CDH18: variants seen among roughly 807,000 people sequenced by gnomAD.
CDH18 encodes cadherin 18, also known as cadherin-18.
A neutral mutation model predicts 67.9 loss-of-function variants in CDH18; 31 were observed. That is an observed-to-expected ratio of 0.46 (90% CI 0.34 to 0.62). The LOEUF (loss-of-function observed/expected upper bound fraction) is 0.62, where lower values mean the gene tolerates loss of function less well. CDH18 is among the 20% of genes least tolerant of loss of function. CDH18 has a pLI of 0.01. For synonymous variants in CDH18, 362 were observed against 347.2 expected, an observed-to-expected ratio of 1.04 and a Z score of -0.48; for missense variants, 890 against 975.5, an observed-to-expected ratio of 0.91 and a Z score of 1.17.
At chr5:20,306,852 T>C (rs1248602053) in intron 1 of CDH18, among the ~76,000 whole-genome samples, 3 of 133,364 alleles carry the variant, frequency 2.2e-5, no homozygotes, top group Non-Finnish European at 4.7e-5. Flanking sequence ...ATTTGTTTAA[T>C]AATTTATGAT....
chr5:20,202,396 A>G (rs1739518939), intron 2 of CDH18, among the ~76,000 whole-genome samples: 1 of 152,160 alleles, frequency 6.6e-6, no homozygotes. Context: ...TTAATCAAAG[A>G]ATGAAAATTT....
At chr5:19,813,073 A>G (rs1003808707) in intron 3 of CDH18, among the ~76,000 whole-genome samples, 6 of 152,134 alleles carry the variant, frequency 3.9e-5, no homozygotes, top group Admixed American at 3.9e-4. Flanking sequence ...TCCCACTCAT[A>G]AGTGGGAATT....
intron 3 of CDH18, among the ~76,000 whole-genome samples, chr5:19,756,675 TAGG>T (rs1471488451): frequency 1.3e-5 from 2 of 152,204 alleles, no homozygotes; most frequent in Non-Finnish European, 2.9e-5. Context: ...GGCTTAAAGG[TAGG>T]AGAAGCCTAA....
At chr5:20,178,754 T>A (rs757543365) in intron 2 of CDH18, among the ~76,000 whole-genome samples, 2 of 152,082 alleles carry the variant, frequency 1.3e-5, no homozygotes, top group Non-Finnish European at 2.9e-5. Flanking sequence ...CCATGTAGAT[T>A]TGAGTCATAC....
At chr5:20,237,842 A>G (rs1018694848) in intron 2 of CDH18, among the ~76,000 whole-genome samples, 17 of 152,030 alleles carry the variant, frequency 1.1e-4, no homozygotes, top group African/African-American at 4.1e-4. Flanking sequence ...AGAATATGGA[A>G]TAGTCAAATC....
At chr5:20,052,595 G>C (rs1242319194) in intron 2 of CDH18, among the ~76,000 whole-genome samples, 1 of 152,060 alleles carries the variant, frequency 6.6e-6, no homozygotes, top group Non-Finnish European at 1.5e-5. Context: ...TGGGGTAATA[G>C]GGGAAGGTGT....
At chr5:20,355,492 A>C (rs1741537958) in intron 1 of CDH18, among the ~76,000 whole-genome samples, 1 of 152,238 alleles carries the variant, frequency 6.6e-6, no homozygotes, top group African/African-American at 2.4e-5. Context: ...TGGCCAAAAA[A>C]ATCTTACATT....
At chr5:20,022,250 T>G (rs6889837) in intron 2 of CDH18, among the ~76,000 whole-genome samples, 5,332 of 152,286 alleles carry the variant, frequency 0.035, 311 homozygotes, top group African/African-American at 0.12. Context: ...TACAGGTACT[T>G]CGTGGTCTAG....
Position 19,541,405 on chromosome 5 carries a change from C to T in CDH18, c.1390+2464G>A, listed in dbSNP as rs538271491. Among the ~76,000 whole-genome samples the T allele has an allele frequency of 5.9e-5, 9 of 152,198 alleles. No individual in the cohort carries two copies. The East Asian group carries it at 9.7e-4, about 16-fold the overall frequency. On this transcript the variant is annotated intron_variant, in intron 9 of 12. Coordinates refer to ENST00000382275, the MANE Select transcript of CDH18 (RefSeq NM_004934.5). ...ACTGTTTCAACTTCTGACTGTTACC[C>T]GATTCCAAAGTCACTTCCACATTTT...
chr5:20,053,796 C>T (rs1052291148), intron 2 of CDH18, among the ~76,000 whole-genome samples: 2 of 152,072 alleles, frequency 1.3e-5, no homozygotes, highest in Non-Finnish European at 2.9e-5. Context: ...AAAACCACAA[C>T]AAAAGTGATG....
intron 10 of CDH18, among the ~76,000 whole-genome samples, chr5:19,507,621 T>C (rs1295926213): frequency 6.6e-6 from 1 of 152,086 alleles, no homozygotes; most frequent in African/African-American, 2.4e-5. Flanking sequence ...TGGATGAAGC[T>C]GGAAACCGTC....
chr5:20,197,055 A>G (rs1739038812), intron 2 of CDH18, among the ~76,000 whole-genome samples: 1 of 152,072 alleles, frequency 6.6e-6, no homozygotes, highest in East Asian at 1.9e-4. Context: ...TCTGTTGCCC[A>G]GGCTGGAGTG....
intron 5 of CDH18, among the ~76,000 whole-genome samples, chr5:19,653,130 T>C (rs967706319): frequency 2.4e-4 from 37 of 152,094 alleles, no homozygotes; most frequent in Middle Eastern, 3.4e-3. Flanking sequence ...GTTGCGAAAG[T>C]AATGGCGGTT....
intron 5 of CDH18, among the ~76,000 whole-genome samples, chr5:19,720,776 G>T (rs886426649): frequency 4.6e-5 from 7 of 152,060 alleles, no homozygotes; most frequent in Admixed American, 2.6e-4. Context: ...TTATGTCTTT[G>T]ACATTATTTT....
intron 2 of CDH18, among the ~76,000 whole-genome samples, chr5:19,932,904 T>C (rs552483984): frequency 6.6e-6 from 1 of 151,702 alleles, no homozygotes; most frequent in Non-Finnish European, 1.5e-5. Context: ...CAACTGAAAA[T>C]GACTGAAAAA....
chr5:20,511,029 T>A (rs1429582775), intron 1 of CDH18, among the ~76,000 whole-genome samples: 1 of 152,122 alleles, frequency 6.6e-6, no homozygotes, highest in Non-Finnish European at 1.5e-5. Context: ...TCCACCAGCA[T>A]TAATTCTAAA....
chr5:19,810,844 G>A (rs1266357844), intron 3 of CDH18, among the ~76,000 whole-genome samples: 1 of 151,806 alleles, frequency 6.6e-6, no homozygotes, highest in African/African-American at 2.4e-5. Flanking sequence ...CCAAACTGGT[G>A]AAACCTCGTC....
chr5:19,748,069 C>T (rs563140031), intron 3 of CDH18, among the ~76,000 whole-genome samples: 14 of 119,738 alleles, frequency 1.2e-4, no homozygotes, highest in African/African-American at 4.0e-4. Flanking sequence ...GCCGAGATCG[C>T]GCCACTGCAC....
chr5:20,545,151 G>A (rs1444291428), intron 1 of CDH18, among the ~76,000 whole-genome samples: 1 of 152,184 alleles, frequency 6.6e-6, no homozygotes, highest in African/African-American at 2.4e-5. Flanking sequence ...CAAGGGGTGG[G>A]CTCCCAAGGC....
Sources: gnomAD v4.1 joint callset for allele counts (sites outside exome capture counted in the v4.1 genomes callset) on GRCh38, gnomAD v4.1.1 for gene constraint, MANE v1.5 for transcripts, NCBI Gene and HGNC (gene_info 2026-07-23, HGNC 2026-07-21) for gene names.